MAP3K2: variants seen among roughly 807,000 people sequenced by gnomAD.
The protein encoded by MAP3K2 is MAP/ERK kinase kinase 2.
A neutral mutation model predicts 80.3 loss-of-function variants in MAP3K2; 24 were observed. That is an observed-to-expected ratio of 0.30 (90% CI 0.22 to 0.42). The LOEUF (loss-of-function observed/expected upper bound fraction) is 0.42, where lower values mean the gene tolerates loss of function less well. MAP3K2 is among the 10% of genes least tolerant of loss of function. The pLI is 1.00. For missense variants in MAP3K2, 608 were observed against 750.1 expected (o/e 0.81, Z 2.21); for synonymous variants, 244 against 253.7 (o/e 0.96, Z 0.36).
chr2:127,326,573 A>G, intron 8 of MAP3K2, 114 bp downstream of exon 8: 1 of 672,762 alleles, frequency 1.5e-6, no homozygotes, highest in South Asian at 4.1e-5. Flanking sequence ...TCAGTTAAGA[A>G]GATATGTAAT....
intron 1 of MAP3K2, among the ~76,000 whole-genome samples, chr2:127,354,866 G>A (rs894063116): frequency 6.6e-6 from 1 of 152,008 alleles, no homozygotes; most frequent in African/African-American, 2.4e-5. Context: ...AAGATGCTAA[G>A]TGGAGGCATG....
chr2:127,365,722 T>C (rs1342378503), intron 1 of MAP3K2, among the ~76,000 whole-genome samples: 1 of 152,234 alleles, frequency 6.6e-6, no homozygotes, highest in East Asian at 1.9e-4. Context: ...TAGCTGGGCA[T>C]ACCTGGCTTC....
At chr2:127,335,437 T>C (rs904580124) in intron 5 of MAP3K2, among the ~76,000 whole-genome samples, 5 of 152,188 alleles carry the variant, frequency 3.3e-5, no homozygotes, top group Admixed American at 6.5e-5. Flanking sequence ...CTTCAGATCA[T>C]ACATACTGAT....
chr2:127,307,617 C>A lies in MAP3K2; in HGVS notation c.1822G>T (p.Asp608Tyr). The A allele has an allele frequency of 6.3e-7, 1 of 1,581,288 alleles. No homozygotes were observed. The highest frequency in any genetic ancestry group is 8.6e-7 in the Non-Finnish European group (1 of 1,162,946). ...ACAAACATGTGCCTTAAGAGTTCAT[C>A]AGCTGAAGGTCTCAGTTTGGCCTCT... ...FVEAKLRPSA[D>Y]ELLRHMFVHY... Residue 608 changes from aspartate to tyrosine, a missense_variant, in exon 17 of 17, where the codon GAT (aspartate) becomes TAT (tyrosine). Physicochemically the swap from Asp to Tyr is radical, Grantham distance 160. Transcript: ENST00000682094. This position sits in a 1 kb window ranked among gnomAD's most constrained non-coding sequence, Gnocchi z 5.4.
intron 1 of MAP3K2, among the ~76,000 whole-genome samples, chr2:127,374,111 T>C (rs1157504968): frequency 6.6e-6 from 1 of 152,222 alleles, no homozygotes. Context: ...TCACTCATTC[T>C]GGATTTACTA....
At chr2:127,373,061 T>G (rs778989877) in intron 1 of MAP3K2, among the ~76,000 whole-genome samples, 1 of 152,182 alleles carries the variant, frequency 6.6e-6, no homozygotes, top group Non-Finnish European at 1.5e-5. Context: ...AGAATTTGCA[T>G]TTACAATACC....
intron 3 of MAP3K2, among the ~76,000 whole-genome samples, chr2:127,338,038 C>T (rs1686406430): frequency 6.6e-6 from 1 of 152,114 alleles, no homozygotes; most frequent in South Asian, 2.1e-4. Context: ...GAGTATGAGA[C>T]ATTTGCTGAT....
intron 1 of MAP3K2, among the ~76,000 whole-genome samples, chr2:127,351,947 G>A (rs1479239425): frequency 6.6e-6 from 1 of 151,808 alleles, no homozygotes; most frequent in East Asian, 1.9e-4. Flanking sequence ...CACAATCATG[G>A]CTCGCTGCAG....
intron 1 of MAP3K2, among the ~76,000 whole-genome samples, chr2:127,386,195 A>G (rs576365047): frequency 6.6e-6 from 1 of 152,364 alleles, no homozygotes; most frequent in African/African-American, 2.4e-5. Flanking sequence ...TAGAGCTTCA[A>G]TTACTCAAAG....
chr2:127,376,820 C>T (rs1431750687), intron 1 of MAP3K2, among the ~76,000 whole-genome samples: 3 of 152,148 alleles, frequency 2.0e-5, no homozygotes, highest in African/African-American at 7.2e-5. Context: ...AATCCCAGCA[C>T]TTTGGGAGTC....
Position 127,330,478 on chromosome 2 carries a change from C to A in MAP3K2, c.292G>T (p.Asp98Tyr). Residue 98 changes from aspartate to tyrosine, a missense_variant, in exon 6 of 17, where the codon GAC becomes TAC. Around this residue, in one of 4 missense-constraint regions of MAP3K2, gnomAD observed 467 missense variants for 521.9 expected, o/e 0.89. Coordinates refer to ENST00000682094, the MANE Select transcript of MAP3K2 (RefSeq NM_001371910.2). ...AGCAGTTCCACAGCTTTGTCCAAGT[C>A]ATCTTGAGTAGTTAATGGAATTACC... ...ELVIPLTTQD[D>Y]LDKAVELLDR... is the part of the protein sequence containing the mutation. The A allele has an allele frequency of 1.2e-6, 2 of 1,605,450 alleles. No homozygotes were observed. Among genetic ancestry groups the A allele is most frequent in the South Asian group, 2.2e-5 (2 of 90,046 alleles).
chr2:127,308,433 A>G (rs1464148758), intron 16 of MAP3K2, among the ~76,000 whole-genome samples, 152 bp downstream of exon 16: 5 of 152,252 alleles, frequency 3.3e-5, no homozygotes, highest in Non-Finnish European at 7.3e-5. Context: ...AAGCCTCAAT[A>G]AGGCACAATT....
chr2:127,299,111 T>C lies in MAP3K2; in HGVS notation c.*8468A>G, dbSNP rs1385120115. The C allele has an allele frequency of 6.6e-6, 1 of 152,174 alleles. No homozygotes were observed. Among genetic ancestry groups the C allele is most frequent in the Non-Finnish European group, 1.5e-5 (1 of 68,018 alleles). The allele number at this position is 152,174 out of a possible 1,614,324, so 9.4% of individuals were successfully genotyped here. A position where few individuals can be genotyped will look rare whatever the true frequency, so the allele number is the denominator to read the frequency against. ...CACACTGTATCTGGCTTCTGGTAGG[T>C]TTTCCTAATCACACTGGTTCCTTTT... On this transcript the variant is annotated 3_prime_UTR_variant, in exon 17 of 17. Coordinates refer to ENST00000682094, the MANE Select transcript of MAP3K2 (RefSeq NM_001371910.2).
chr2:127,370,789 A>G (rs1468148661), intron 1 of MAP3K2, among the ~76,000 whole-genome samples: 1 of 152,198 alleles, frequency 6.6e-6, no homozygotes, highest in Non-Finnish European at 1.5e-5. Context: ...GCCCCGTTAT[A>G]CACAGAAGAG....
At position 127,322,334 on chromosome 2, in the gene MAP3K2, A is replaced by C; in HGVS notation, c.839-82T>G. On this transcript the variant is annotated intron_variant, in intron 11 of 16. Transcript: ENST00000682094. This position sits in a 1 kb window ranked among gnomAD's most constrained non-coding sequence, Gnocchi z 4.2. ...AGTATTTAAAATTTGTAATGTAGAG[A>C]ATAGAAATTTGTCCTGTGACTAGGC... is the stretch of plus-strand genomic sequence containing the variant. 2 of 917,046 alleles carry C rather than the reference A, an allele frequency of 2.2e-6. No homozygotes were observed. Among genetic ancestry groups the C allele is most frequent in the Middle Eastern group, 3.4e-4 (1 of 2,928 alleles). The allele number at this position is 917,046 out of a possible 1,614,324, so 56.8% of individuals were successfully genotyped here.
intron 15 of MAP3K2, among the ~76,000 whole-genome samples, chr2:127,314,371 G>T (rs990710603): frequency 1.3e-4 from 20 of 152,164 alleles, no homozygotes; most frequent in African/African-American, 4.8e-4. Context: ...TTAAGAATGA[G>T]GAACTGAGAG....
chr2:127,324,057 T>C (rs1255683811), intron 10 of MAP3K2, 63 bp from the exon 11 acceptor site: 2 of 1,098,930 alleles, frequency 1.8e-6, no homozygotes, highest in East Asian at 2.6e-5. Flanking sequence ...TTTCTAATGA[T>C]GAAAAGCACA....
intron 1 of MAP3K2, among the ~76,000 whole-genome samples, chr2:127,353,635 G>A (rs1316280406): frequency 1.1e-4 from 16 of 149,836 alleles, no homozygotes; most frequent in Non-Finnish European, 1.5e-4. Flanking sequence ...GTCAAACCCC[G>A]GCCCGGCCAG....
intron 5 of MAP3K2, among the ~76,000 whole-genome samples, chr2:127,333,270 C>T (rs1278219803): frequency 7.0e-6 from 1 of 141,942 alleles, no homozygotes; most frequent in Non-Finnish European, 1.5e-5. Context: ...CCACAACCAA[C>T]CCTCATAACA....
Sources: gnomAD v4.1 joint callset for allele counts (sites outside exome capture counted in the v4.1 genomes callset) on GRCh38, gnomAD v4.1.1 for gene constraint, gnomAD v4.1.1 regional missense constraint, Gnocchi (gnomAD v3.1) non-coding constraint, MANE v1.5 for transcripts, NCBI Gene and HGNC (gene_info 2026-07-23, HGNC 2026-07-21) for gene names.